EDEM2: variants seen among roughly 807,000 people sequenced by gnomAD.
EDEM2 encodes ER degradation-enhancing alpha-mannosidase-like protein 2.
A neutral mutation model predicts 64.8 loss-of-function variants in EDEM2; 39 were observed. The observed-to-expected ratio is 0.60, with a 90% CI of 0.47 to 0.79. The LOEUF is 0.79. Ranked by LOEUF, EDEM2 falls within the 30% of genes least tolerant of loss-of-function variation. The pLI, the probability that EDEM2 is intolerant of heterozygous loss-of-function variation, is 0.00. For missense variants in EDEM2, 609 were observed against 731.3 expected, an observed-to-expected ratio of 0.83 and a Z score of 1.93; for synonymous variants, 296 against 291.5, an observed-to-expected ratio of 1.02 and a Z score of -0.16.
chr20:35,134,852 C>A lies in EDEM2; in HGVS notation c.588G>T (p.Gly196=). The change falls in exon 6 of 11, where the codon GGG becomes GGT. Residue 196 remains glycine (G), a synonymous_variant. Coordinates refer to ENST00000374492, the MANE Select transcript of EDEM2 (RefSeq NM_018217.3). ...ETPVTCTAGI[G]TFIVEFATLS... is the part of the protein sequence containing the mutation. ...GGGTGGCAAATTCAACAATGAAGGT[C>A]CCAATCCCTGCCGTACAGGTGACAG... 1 of 1,614,182 alleles carries A rather than the reference C, an allele frequency of 6.2e-7. No individual in the cohort carries two copies. Among genetic ancestry groups the A allele is most frequent in the South Asian group, 1.1e-5 (1 of 91,072 alleles).
rs2085599160 is a variant in EDEM2, at chr20:35,137,884, G to A, written c.486C>T (p.Leu162=). ...CCATCTCTGTGTGGGTCTTACCTGG[G>A]AGGAGTTTTCGGGCCGCCTCCTCAG... ...RMAEEAARKL[L]PAFQTPTGMP... The change falls in exon 5 of 11, where the codon CTC becomes CTT. Residue 162 remains leucine, a synonymous_variant. Transcript: ENST00000374492. The A allele has an allele frequency of 6.2e-7, 1 of 1,614,096 alleles. No homozygotes were observed. Among genetic ancestry groups the A allele is most frequent in the Non-Finnish European group, 8.5e-7 (1 of 1,179,972 alleles).
chr20:35,128,014 C>T (rs556834290), intron 7 of EDEM2, among the ~76,000 whole-genome samples: 5 of 152,246 alleles, frequency 3.3e-5, no homozygotes, highest in Admixed American at 1.3e-4. Flanking sequence ...ATGTATAGTA[C>T]GTGATATTTA....
At chr20:35,121,315 G>A (rs1175564082) in intron 9 of EDEM2, among the ~76,000 whole-genome samples, 1 of 152,200 alleles carries the variant, frequency 6.6e-6, no homozygotes, top group Non-Finnish European at 1.5e-5. Context: ...CTCCTAAGGA[G>A]CACACAACCT....
At chr20:35,117,402 C>T (rs2085321486) in intron 10 of EDEM2, among the ~76,000 whole-genome samples, 1 of 152,104 alleles carries the variant, frequency 6.6e-6, no homozygotes, top group Non-Finnish European at 1.5e-5. Context: ...TTTCCTTGCC[C>T]TGTTTGAGAA....
intron 7 of EDEM2, among the ~76,000 whole-genome samples, chr20:35,126,637 G>C (rs2146095177): frequency 6.6e-6 from 1 of 152,288 alleles, no homozygotes; most frequent in African/African-American, 2.4e-5. Flanking sequence ...GGGAGGCCAG[G>C]CGTGGTGGCT....
chr20:35,132,343 G>A (rs976315764), intron 6 of EDEM2, among the ~76,000 whole-genome samples: 18 of 151,264 alleles, frequency 1.2e-4, no homozygotes, highest in Admixed American at 1.2e-3. Flanking sequence ...TTCAGTCTCT[G>A]TAGAGACTGT....
rs1433269583 is a variant in EDEM2 at position 35,137,974 on chromosome 20, G to A, written c.396C>T (p.Leu132=). The A allele has an allele frequency of 1.9e-6, 3 of 1,614,068 alleles. No homozygotes were observed. The highest frequency in any genetic ancestry group is 2.7e-5 in the African/African-American group (2 of 74,918). The change falls in exon 5 of 11, where the codon CTC becomes CTT. Residue 132 remains leucine (L), a synonymous_variant. Coordinates refer to ENST00000374492, the MANE Select transcript of EDEM2 (RefSeq NM_018217.3). ...CTACTTCCACCCCAGCCTTCTTGGA[G>A]AGCAGATGAGCAGACAGGAGTCCTC... is the stretch of plus-strand genomic sequence containing the variant. ...VVGGLLSAHL[L]SKKAGVEVEA...
chr20:35,142,292 A>G, intron 4 of EDEM2, 81 bp downstream of exon 4: 1 of 1,169,920 alleles, frequency 8.5e-7, no homozygotes, highest in Admixed American at 2.1e-5. Flanking sequence ...CAGTCCTTAA[A>G]ATCCTATTTA....
rs535472900 is a variant in EDEM2, at chr20:35,138,575, T to C, written c.365-570A>G. On this transcript the variant is annotated intron_variant, in intron 4 of 10. Transcript: ENST00000374492. ...CTATTTCAACTTATTATGCAATATG[T>C]AGAACTTTTTTTTTTTTTTTTTGAG... is the stretch of plus-strand genomic sequence containing the variant. Among the ~76,000 whole-genome samples, 5 of 151,920 alleles carry C rather than the reference T, an allele frequency of 3.3e-5. No homozygotes were observed. The East Asian group carries it at 7.7e-4, about 24-fold the overall frequency.
chr20:35,127,379 T>C (rs2085448268), intron 7 of EDEM2, among the ~76,000 whole-genome samples: 1 of 152,214 alleles, frequency 6.6e-6, no homozygotes, highest in African/African-American at 2.4e-5. Context: ...TCCAGGCTCC[T>C]ATGAGTTTGT....
intron 10 of EDEM2, chr20:35,117,317 A>G (rs1016774966): frequency 6.6e-6 from 1 of 152,224 alleles, no homozygotes; most frequent in Non-Finnish European, 1.5e-5. Flanking sequence ...ACTTCTAAAC[A>G]AAACATTCTC....
rs916753105 is a variant in EDEM2, at chr20:35,140,917, C to T, written c.364+1456G>A. Among the ~76,000 whole-genome samples the T allele has an allele frequency of 4.0e-5, 6 of 151,806 alleles. No homozygotes were observed. The South Asian group carries it at 8.4e-4, about 21-fold the overall frequency. ...GGCGGATCACCTGAGGTCAGGAGTT[C>T]GAGACTAGCCTGGCCAACATGGTGA... On this transcript the variant is annotated intron_variant, in intron 4 of 10. Coordinates refer to ENST00000374492, the MANE Select transcript of EDEM2 (RefSeq NM_018217.3).
intron 7 of EDEM2, among the ~76,000 whole-genome samples, chr20:35,130,125 G>A (rs576514650): frequency 6.6e-6 from 1 of 152,278 alleles, no homozygotes; most frequent in African/African-American, 2.4e-5. Flanking sequence ...CTGAAATGCA[G>A]TGGTATGATC....
intron 4 of EDEM2, among the ~76,000 whole-genome samples, chr20:35,139,061 G>T (rs1170504840): frequency 1.3e-5 from 2 of 152,090 alleles, no homozygotes; most frequent in South Asian, 2.1e-4. Flanking sequence ...CTGATAAAAG[G>T]TCCCTATGCA....
Position 35,131,735 on chromosome 20 carries a change from CGTCCTGG to C in EDEM2, c.744_750del (p.Asp250AlafsTer14). On this transcript the variant is annotated frameshift_variant, in exon 7 of 11. Transcript: ENST00000374492. LOFTEE classifies it high-confidence loss of function. ...GAGTCCACGCCAGCCCCGATGCCTG[CGTCCTGG>C]GCCACCCACTTGCCAGTGAGCACAT... 1 of 1,614,192 alleles carries C rather than the reference CGTCCTGG, an allele frequency of 6.2e-7. No homozygotes were observed.
chr20:35,142,360 G>A lies in EDEM2; in HGVS notation c.364+13C>T, dbSNP rs375577548. The A allele has an allele frequency of 5.6e-6, 9 of 1,600,108 alleles. No individual in the cohort carries two copies. The highest frequency in any genetic ancestry group is 7.7e-6 in the Non-Finnish European group (9 of 1,168,098). On this transcript the variant is annotated intron_variant, in intron 4 of 10. Coordinates refer to ENST00000374492, the MANE Select transcript of EDEM2 (RefSeq NM_018217.3). Reference sequence around the variant, plus strand: ...TCTTTTTTCTTTTAAAGGTCCTAGAGAGCAGCCCTTACCTCGAATGTTTGT... The same window carrying A: ...TCTTTTTTCTTTTAAAGGTCCTAGAAAGCAGCCCTTACCTCGAATGTTTGT...
intron 4 of EDEM2, among the ~76,000 whole-genome samples, chr20:35,139,010 G>GATT (rs1319983936): frequency 6.6e-6 from 1 of 152,120 alleles, no homozygotes; most frequent in Non-Finnish European, 1.5e-5. Context: ...CCTGCAGAGG[G>GATT]GGAATAGGAG....
In EDEM2 at chr20:35,118,608, C is replaced by T; in HGVS notation, c.1226G>A (p.Gly409Glu). The change falls in exon 10 of 11, where the codon GGA (glycine) becomes GAA (glutamate). Residue 409 changes from glycine to glutamate, a missense_variant. Transcript: ENST00000374492. ...SIEKISKVEC[G>E]FATIKDLRDH... ...CATGCAAACACTTACTGTTGCAAAT[C>T]CGCACTCCACCTTGCTGATTTTTTC... 1 of 1,614,096 alleles carries T rather than the reference C, an allele frequency of 6.2e-7. No individual in the cohort carries two copies. The highest frequency in any genetic ancestry group is 8.5e-7 in the Non-Finnish European group (1 of 1,179,970).
intron 4 of EDEM2, among the ~76,000 whole-genome samples, chr20:35,139,349 C>CAAA (rs57683623): frequency 5.6e-5 from 5 of 89,372 alleles, no homozygotes; most frequent in African/African-American, 1.7e-4. Context: ...GACTCCGTCT[C>CAAA]AAAAAAAAAA....
Sources: gnomAD v4.1 joint callset for allele counts (sites outside exome capture counted in the v4.1 genomes callset) on GRCh38, gnomAD v4.1.1 for gene constraint, MANE v1.5 for transcripts, NCBI Gene and HGNC (gene_info 2026-07-23, HGNC 2026-07-21) for gene names.